CFAP251: variants seen among roughly 807,000 people sequenced by gnomAD.
CFAP251 encodes cilia and flagella associated protein 251, also known as cilia- and flagella-associated protein 251.
A neutral mutation model predicts 126.7 loss-of-function variants in CFAP251; 93 were observed. The observed-to-expected ratio is 0.73, with a 90% CI of 0.62 to 0.87. CFAP251 has a LOEUF of 0.87. Among genes scored for constraint, CFAP251 ranks in the 40% least tolerant of loss-of-function variants. The probability of loss-of-function intolerance (pLI) is 0.00; values close to 1 mark genes in which losing one functional copy is unlikely to be tolerated. For synonymous variants in CFAP251, 503 were observed against 506.9 expected (o/e 0.99, Z 0.10); for missense variants, 1,287 against 1,389.2 (o/e 0.93, Z 1.17).
intron 19 of CFAP251, among the ~76,000 whole-genome samples, chr12:121,988,539 G>A (rs1882804158): frequency 6.6e-6 from 1 of 152,128 alleles, no homozygotes; most frequent in African/African-American, 2.4e-5. Context: ...GTTCATCCAG[G>A]TTGTAGCTTG....
chr12:121,981,998 T>G (rs1233237890), intron 19 of CFAP251, among the ~76,000 whole-genome samples: 1 of 152,236 alleles, frequency 6.6e-6, no homozygotes, highest in African/African-American at 2.4e-5. Flanking sequence ...AAATGTCATC[T>G]GATATTTTTG....
intron 17 of CFAP251, among the ~76,000 whole-genome samples, chr12:121,971,001 G>A (rs1339812669): frequency 6.6e-6 from 1 of 152,256 alleles, no homozygotes; most frequent in East Asian, 1.9e-4. Flanking sequence ...ATGTAGGGGA[G>A]CTCTGAACAC....
chr12:121,934,438 T>C (rs1462071223), intron 5 of CFAP251, 82 bp downstream of exon 5: 7 of 1,038,834 alleles, frequency 6.7e-6, no homozygotes, highest in African/African-American at 3.1e-5. Flanking sequence ...GAATGAGCAA[T>C]GCCAATGCCT....
At position 121,975,553 on chromosome 12, in the gene CFAP251, C is replaced by G; in HGVS notation, c.2874C>G (p.Asp958Glu). 6.2e-7 allele frequency: 1 copy of G among 1,608,622 alleles called. No individual in the cohort carries two copies. Among genetic ancestry groups the G allele is most frequent in the Non-Finnish European group, 8.5e-7 (1 of 1,178,692 alleles). ...GTATTCCTACATAGGAGCTAGAAGA[C>G]TACTTCTACTATTCTCAGCTCCGCA... ...REGKFYRELE[D>E]YFYYSQLRSQ... The change falls in exon 19 of 22, where the codon GAC (aspartate) becomes GAG (glutamate). Residue 958 changes from aspartate (D) to glutamate (E), a missense_variant. Transcript: ENST00000288912.
rs1054061697 is a variant in CFAP251, at chr12:121,942,580, A to G, written c.1045A>G (p.Ile349Val). ...TGACAGCTGCCCTGAAGGGAATGGC[A>G]TCATGGCCATGGCCATGACCCACGA... Reference protein sequence around the residue: ...IFDSCPEGNGIMAMAMTHDAK... With the variant: ...IFDSCPEGNGVMAMAMTHDAK... Residue 349 changes from isoleucine (I) to valine (V), a missense_variant, in exon 6 of 22, where the codon ATC (isoleucine) becomes GTC (valine). By Grantham distance (29) the Ile-to-Val change is conservative. Transcript: ENST00000288912. 23 of 1,613,932 alleles carry G rather than the reference A, an allele frequency of 1.4e-5. No homozygotes were observed. The highest frequency in any genetic ancestry group is 1.9e-5 in the Non-Finnish European group (22 of 1,180,006).
At chr12:121,987,912 A>C (rs762837007) in intron 19 of CFAP251, among the ~76,000 whole-genome samples, 65 of 152,036 alleles carry the variant, frequency 4.3e-4, no homozygotes, top group Non-Finnish European at 1.5e-4. Context: ...GAAGGAAGAA[A>C]ACCCTAAAAA....
At chr12:121,936,907 A>C (rs1182673890) in intron 5 of CFAP251, among the ~76,000 whole-genome samples, 2 of 152,146 alleles carry the variant, frequency 1.3e-5, no homozygotes, top group African/African-American at 4.8e-5. Flanking sequence ...AGGGGAATTC[A>C]GAGTGACATG....
chr12:121,957,033 AT>A (rs1183523951), intron 10 of CFAP251, 40 bp from the exon 11 acceptor site: 13 of 1,484,974 alleles, frequency 8.8e-6, no homozygotes, highest in Non-Finnish European at 1.2e-5. Context: ...GCTACTTGTT[AT>A]TATTGCTATT....
At chr12:121,972,824 A>C (rs1437983215) in intron 17 of CFAP251, among the ~76,000 whole-genome samples, 3 of 152,198 alleles carry the variant, frequency 2.0e-5, no homozygotes, top group Admixed American at 2.0e-4. Flanking sequence ...AAAGCATTCG[A>C]GAGGTGACTT....
At position 121,958,517 on chromosome 12, in the gene CFAP251, C is replaced by A. The variant is rs745522210; in HGVS notation, c.1976C>A (p.Pro659His). ...GGAGTCCAGAGTCTGACCTACAACC[C>A]CGAAGGTATTTTCATCTTATCAGCC... The part of the protein sequence containing the change: ...GLGVQSLTYN[P>H]EGALLGAGFT... Residue 659 changes from proline (P) to histidine (H), a missense_variant, in exon 12 of 22, where the codon CCC becomes CAC. Pro to His is a moderately conservative substitution (Grantham distance 77). Transcript: ENST00000288912. 1 of 1,614,152 alleles carries A rather than the reference C, an allele frequency of 6.2e-7. No individual in the cohort carries two copies. The highest frequency in any genetic ancestry group is 1.1e-5 in the South Asian group (1 of 91,062).
chr12:121,962,535 G>C (rs1881974971), intron 15 of CFAP251, among the ~76,000 whole-genome samples: 1 of 152,118 alleles, frequency 6.6e-6, no homozygotes, highest in East Asian at 1.9e-4. Context: ...GCCCTCCTTT[G>C]TTTACACCCT....
Position 121,967,188 on chromosome 12 carries a change from C to T in CFAP251, c.2607+119C>T, listed in dbSNP as rs140732620. 275 of 851,862 alleles carry T rather than the reference C, an allele frequency of 3.2e-4. 2 individuals are homozygous for T. In the African/African-American group the frequency reaches 3.8e-3, roughly 12 times the overall value. 52.8% of individuals were successfully genotyped at this position (851,862 alleles called of 1,614,324 possible). ...GTTTACAGCCAAGCCCAACTGCTTCCACCCCAGTCAGCTGTGATACTGAAA... is the reference window on the plus strand; with the variant it reads ...GTTTACAGCCAAGCCCAACTGCTTCTACCCCAGTCAGCTGTGATACTGAAA... On this transcript the variant is annotated intron_variant, in intron 16 of 21. Coordinates refer to ENST00000288912, the MANE Select transcript of CFAP251 (RefSeq NM_144668.6).
intron 3 of CFAP251, among the ~76,000 whole-genome samples, chr12:121,929,773 G>A (rs918054964): frequency 1.3e-5 from 2 of 151,988 alleles, no homozygotes; most frequent in East Asian, 3.9e-4. Context: ...CGCCTCCTGG[G>A]TTCAAGCAAT....
In CFAP251 at chr12:121,999,909, G is replaced by A. The variant is rs1428337065; in HGVS notation, c.3200G>A (p.Arg1067Gln). ...YTNSKGKKAI[R>Q]REDFLRLLVT... ...AACTCCAAAGGGAAAAAGGCCATTC[G>A]AAGAGAGGACTTCCTGAGACTGCTC... is the stretch of plus-strand genomic sequence containing the variant. Residue 1067 changes from arginine (R) to glutamine (Q), a missense_variant, in exon 20 of 22, where the codon CGA becomes CAA. Transcript: ENST00000288912. The A allele has an allele frequency of 4.3e-6, 7 of 1,613,992 alleles. No individual in the cohort carries two copies. The highest frequency in any genetic ancestry group is 2.2e-5 in the South Asian group (2 of 91,074).
chr12:121,920,428 G>A (rs1470010797), intron 1 of CFAP251, among the ~76,000 whole-genome samples: 12 of 141,518 alleles, frequency 8.5e-5, no homozygotes, highest in African/African-American at 1.6e-4. Context: ...ACGGAGTCTC[G>A]CTGTGTTGCC....
rs577929726 is a variant in CFAP251, at chr12:121,989,543, C to T, written c.3007-10173C>T. Among the ~76,000 whole-genome samples the T allele has an allele frequency of 9.9e-5, 15 of 152,196 alleles. No individual in the cohort carries two copies. The highest frequency in any genetic ancestry group is 1.3e-4 in the Non-Finnish European group (9 of 68,022). ...GTCTCCAGATGTGGCCATGCAGTGA[C>T]GCTGCCCAGCCCTTACGCCCCCTCC... On this transcript the variant is annotated intron_variant, in intron 19 of 21. Coordinates refer to ENST00000288912, the MANE Select transcript of CFAP251 (RefSeq NM_144668.6). This position sits in a 1 kb window ranked among gnomAD's most constrained non-coding sequence, Gnocchi z 4.2.
intron 19 of CFAP251, among the ~76,000 whole-genome samples, chr12:121,977,980 TAAATAA>T (rs1196197662): frequency 6.7e-6 from 1 of 150,118 alleles, no homozygotes; most frequent in African/African-American, 2.4e-5. Flanking sequence ...AATAAATAAA[TAAATAA>T]AAATAAAATA....
chr12:121,971,530 C>CTG (rs1882328061), intron 17 of CFAP251: 1 of 702,598 alleles, frequency 1.4e-6, no homozygotes, highest in Non-Finnish European at 2.6e-6. Flanking sequence ...GAGTGAGTTC[C>CTG]ATGTATCATC....
In CFAP251 at chr12:121,921,691, G is replaced by C. The variant is rs1880185258; in HGVS notation, c.378+8G>C. 1 of 1,599,364 alleles carries C rather than the reference G, an allele frequency of 6.3e-7. No individual in the cohort carries two copies. The highest frequency in any genetic ancestry group is 8.5e-7 in the Non-Finnish European group (1 of 1,173,132). The stretch of plus-strand genomic sequence containing the variant: ...ACATCAGGAATTTTCCCAGTAAGTA[G>C]TCATCTTAATTCATTCATCAATTCA... On this transcript the variant is annotated splice_region_variant and intron_variant, in intron 2 of 21. Transcript: ENST00000288912.
Sources: gnomAD v4.1 joint callset for allele counts (sites outside exome capture counted in the v4.1 genomes callset) on GRCh38, gnomAD v4.1.1 for gene constraint, Gnocchi (gnomAD v3.1) non-coding constraint, MANE v1.5 for transcripts, NCBI Gene and HGNC (gene_info 2026-07-23, HGNC 2026-07-21) for gene names.